HPSE2: variants seen among roughly 807,000 people sequenced by gnomAD.
HPSE2 encodes inactive heparanase-2.
A neutral mutation model predicts 60.5 loss-of-function variants in HPSE2; 38 were observed. The ratio of observed to expected loss-of-function variants is 0.63; its 90% CI spans 0.48 to 0.82. The LOEUF is 0.82. Among genes scored for constraint, HPSE2 ranks in the 40% least tolerant of loss-of-function variants. HPSE2 has a pLI of 0.00. For missense variants in HPSE2, 713 were observed against 740.4 expected (o/e 0.96, Z 0.43); for synonymous variants, 295 against 293.2 (o/e 1.01, Z -0.06).
intron 3 of HPSE2, among the ~76,000 whole-genome samples, chr10:99,114,920 G>A (rs1236628963): frequency 2.8e-5 from 4 of 143,364 alleles, no homozygotes; most frequent in African/African-American, 7.9e-5. Context: ...AAAAAAAAAA[G>A]AAGAAGAAGA....
In HPSE2 at chr10:98,742,978, T is replaced by TC. The variant is rs201053253; in HGVS notation, c.784+904_784+905insG. ...TCTTTTTTTTCCTTTTCTTTTCTTT[T>TC]TTTTTTTTTTTTTTGAGATGGAGTC... On this transcript the variant is annotated intron_variant, in intron 4 of 11. Coordinates refer to ENST00000370552, the MANE Select transcript of HPSE2 (RefSeq NM_021828.5). Among the ~76,000 whole-genome samples the TC allele has an allele frequency of 6.5e-3, 872 of 134,092 alleles. 4 individuals are homozygous for TC. Among genetic ancestry groups the TC allele is most frequent in the South Asian group, 0.023 (98 of 4,314 alleles). 88.0% of individuals were successfully genotyped at this position (134,092 alleles called of 152,430 possible). A position where few individuals can be genotyped will look rare whatever the true frequency, so the allele number is the denominator to read the frequency against.
chr10:98,553,408 A>G (rs998395361), intron 9 of HPSE2, among the ~76,000 whole-genome samples: 3 of 152,188 alleles, frequency 2.0e-5, no homozygotes, highest in Admixed American at 6.6e-5. Flanking sequence ...CCTTGTTTAC[A>G]TGTGAGACTT....
chr10:99,276,219 C>T, the HPSE2 span, among the ~76,000 whole-genome samples: 3 of 152,158 alleles, frequency 2.0e-5, no homozygotes, highest in East Asian at 5.8e-4. Context: ...CATTTAGTAA[C>T]AACTACAGTG....
chr10:98,477,006 G>A (rs1941050315), intron 11 of HPSE2, among the ~76,000 whole-genome samples: 1 of 152,122 alleles, frequency 6.6e-6, no homozygotes, highest in Non-Finnish European at 1.5e-5. Context: ...TAATTTTATA[G>A]TACTGGACTG....
rs1849803306 is a variant in HPSE2, at chr10:99,235,293, T to G, written c.290+220A>C. Among the ~76,000 whole-genome samples the G allele has an allele frequency of 2.6e-5, 4 of 152,228 alleles. No homozygotes were observed. In the South Asian group the frequency reaches 8.3e-4, roughly 32 times the overall value. On this transcript the variant is annotated intron_variant, in intron 1 of 11. Coordinates refer to ENST00000370552, the MANE Select transcript of HPSE2 (RefSeq NM_021828.5). ...ACTGATAAGTTTCTGAAATGCCTTC[T>G]GCATTGCAAACATGTGCATCTTAAT... is the stretch of plus-strand genomic sequence containing the variant.
At chr10:98,722,352 T>C (rs1162860750) in intron 4 of HPSE2, among the ~76,000 whole-genome samples, 2 of 151,538 alleles carry the variant, frequency 1.3e-5, no homozygotes, top group African/African-American at 4.9e-5. Flanking sequence ...GGCTAAGCAT[T>C]GCTGGCAGCC....
intron 3 of HPSE2, among the ~76,000 whole-genome samples, chr10:98,978,124 T>C (rs530538028): frequency 6.6e-6 from 1 of 152,138 alleles, no homozygotes; most frequent in Admixed American, 6.6e-5. Context: ...CCTGAGATTT[T>C]AATCACTACT....
In HPSE2 at chr10:98,672,139, G is replaced by A. The variant is rs138933788; in HGVS notation, c.1004+21761C>T. Among the ~76,000 whole-genome samples the A allele has an allele frequency of 5.8e-3, 887 of 152,250 alleles. 4 individuals are homozygous for A. Among genetic ancestry groups the A allele is most frequent in the African/African-American group, 0.02 (839 of 41,528 alleles). ...CCAAGTACAGAACTTTAACAGAAGT[G>A]GTTGCTGTTGGTAGTTCTTTCATGT... is the stretch of plus-strand genomic sequence containing the variant. On this transcript the variant is annotated intron_variant, in intron 6 of 11. Coordinates refer to ENST00000370552, the MANE Select transcript of HPSE2 (RefSeq NM_021828.5).
At chr10:98,505,959 C>G (rs1401965775) in intron 9 of HPSE2, among the ~76,000 whole-genome samples, 1 of 151,886 alleles carries the variant, frequency 6.6e-6, no homozygotes, top group African/African-American at 2.4e-5. Context: ...GTCCTCCTTT[C>G]TTAGAAATGG....
chr10:98,847,917 G>A (rs569754274), intron 3 of HPSE2, among the ~76,000 whole-genome samples: 1 of 152,338 alleles, frequency 6.6e-6, no homozygotes, highest in African/African-American at 2.4e-5. Context: ...TGGCTCAACT[G>A]GGATGGGAGA....
At chr10:98,975,656 T>C (rs1233648011) in intron 3 of HPSE2, among the ~76,000 whole-genome samples, 1 of 152,210 alleles carries the variant, frequency 6.6e-6, no homozygotes, top group Non-Finnish European at 1.5e-5. Context: ...GGAAATTCTC[T>C]TTCATATCAG....
intron 3 of HPSE2, among the ~76,000 whole-genome samples, chr10:98,922,254 A>G (rs1020888091): frequency 6.6e-6 from 1 of 152,306 alleles, no homozygotes; most frequent in African/African-American, 2.4e-5. Flanking sequence ...TCAAGTGCTC[A>G]GTATGTCCAT....
chr10:98,804,214 G>T (rs1054322257), intron 3 of HPSE2, among the ~76,000 whole-genome samples: 1 of 151,996 alleles, frequency 6.6e-6, no homozygotes, highest in African/African-American at 2.4e-5. Flanking sequence ...AGCTTAAGGA[G>T]ATTTTGGCAA....
intron 9 of HPSE2, among the ~76,000 whole-genome samples, chr10:98,602,275 G>T (rs1945449715): frequency 6.6e-6 from 1 of 152,176 alleles, no homozygotes; most frequent in African/African-American, 2.4e-5. Flanking sequence ...CAATGGGATA[G>T]CAAGCCCTGT....
intron 3 of HPSE2, among the ~76,000 whole-genome samples, chr10:98,785,744 G>A (rs1450926897): frequency 3.6e-5 from 4 of 110,538 alleles, no homozygotes; most frequent in African/African-American, 1.1e-4. Context: ...GGTGTTTGTA[G>A]TATTCTCTGA....
rs540201740 is a variant in HPSE2, at chr10:98,639,041, C to T, written c.1098+2806G>A. Among the ~76,000 whole-genome samples, 208 of 152,154 alleles carry T rather than the reference C, an allele frequency of 1.4e-3. 6 individuals carry two copies. The highest frequency in any genetic ancestry group is 4.8e-4 in the Non-Finnish European group (33 of 68,044). ...TTGAAAGGAGGAGTTTATTTCTTTT[C>T]GCCCTGAAGCTTGGTGGGTCTTGGC... On this transcript the variant is annotated intron_variant, in intron 7 of 11. Transcript: ENST00000370552.
At chr10:98,943,636 C>T (rs888064172) in intron 3 of HPSE2, among the ~76,000 whole-genome samples, 1 of 152,114 alleles carries the variant, frequency 6.6e-6, no homozygotes, top group Non-Finnish European at 1.5e-5. Context: ...CTTTTTCTCT[C>T]TCCCCCTGCT....
intron 3 of HPSE2, among the ~76,000 whole-genome samples, chr10:98,893,904 GAA>G (rs5787315): frequency 2.0e-3 from 289 of 144,348 alleles, no homozygotes; most frequent in Middle Eastern, 3.7e-3. Context: ...TGGTAAACTA[GAA>G]AAAAAAAAAA....
At chr10:98,799,097 T>C (rs1311599288) in intron 3 of HPSE2, among the ~76,000 whole-genome samples, 1 of 152,094 alleles carries the variant, frequency 6.6e-6, no homozygotes, top group Non-Finnish European at 1.5e-5. Flanking sequence ...TGGAAAAAGA[T>C]ATTCCATGCC....
Sources: gnomAD v4.1 joint callset for allele counts (sites outside exome capture counted in the v4.1 genomes callset) on GRCh38, gnomAD v4.1.1 for gene constraint, MANE v1.5 for transcripts, NCBI Gene and HGNC (gene_info 2026-07-23, HGNC 2026-07-21) for gene names.